Variants in SMIM13 observed in about 807,000 individuals in gnomAD.
SMIM13 encodes small integral membrane protein 13.
In SMIM13, 3 loss-of-function variants were observed where a neutral mutation model predicts 5.9. That is an observed-to-expected ratio of 0.51 (90% confidence interval 0.23 to 1.31). The LOEUF (loss-of-function observed/expected upper bound fraction) is 1.31. Among genes scored for constraint, SMIM13 ranks in the 40% most tolerant of loss-of-function variants. SMIM13 has a pLI of 0.18. For missense variants in SMIM13, 85 were observed against 109.9 expected, an observed-to-expected ratio of 0.77 and a Z score of 1.01; for synonymous variants, 55 against 46.0, an observed-to-expected ratio of 1.19 and a Z score of -0.79.
At chr6:11,122,963 C>T (rs955245197) in intron 1 of SMIM13, among the ~76,000 whole-genome samples, 1 of 152,102 alleles carries the variant, frequency 6.6e-6, no homozygotes, top group African/African-American at 2.4e-5. Flanking sequence ...AATCCCAGCA[C>T]CTTGAGAGGC....
intron 1 of SMIM13, chr6:11,105,014 A>G (rs1561753020): frequency 1.2e-6 from 2 of 1,614,188 alleles, no homozygotes; most frequent in Admixed American, 1.7e-5. Context: ...TATCAGGGAA[A>G]TCTTGCTTTA....
At chr6:11,133,401 A>C (rs963032205) in intron 1 of SMIM13, among the ~76,000 whole-genome samples, 2 of 152,138 alleles carry the variant, frequency 1.3e-5, no homozygotes, top group East Asian at 1.9e-4. Context: ...AAGAAAAAAA[A>C]CAAGTAAAAT....
At chr6:11,133,233 C>T (rs921480249) in intron 1 of SMIM13, among the ~76,000 whole-genome samples, 6 of 152,172 alleles carry the variant, frequency 3.9e-5, no homozygotes, top group African/African-American at 1.4e-4. Flanking sequence ...AAGTTGGGTG[C>T]TTTACTCAAA....
intron 1 of SMIM13, chr6:11,104,797 A>G: frequency 1.2e-6 from 2 of 1,614,204 alleles, no homozygotes; most frequent in Non-Finnish European, 1.7e-6. Context: ...GGTTTGGGGA[A>G]TCTTGGTTGA....
chr6:11,105,556 C>T, intron 1 of SMIM13: 1 of 456,162 alleles, frequency 2.2e-6, no homozygotes, highest in Non-Finnish European at 4.1e-6. Flanking sequence ...GGTTCTGGCT[C>T]TGGAGTTTAA....
At chr6:11,131,984 G>T (rs192178253) in intron 1 of SMIM13, among the ~76,000 whole-genome samples, 1 of 152,036 alleles carries the variant, frequency 6.6e-6, no homozygotes, top group African/African-American at 2.4e-5. Flanking sequence ...GTGAAAAGCC[G>T]GCCCACAGAA....
chr6:11,112,042 G>C (rs1196319926), intron 1 of SMIM13, among the ~76,000 whole-genome samples: 1 of 152,116 alleles, frequency 6.6e-6, no homozygotes, highest in Admixed American at 6.5e-5. Flanking sequence ...ACCAGCTTCC[G>C]GTGTTTCCTG....
rs899766743 is a variant in SMIM13, at chr6:11,138,273, G to A, written c.*3671G>A. Reference sequence around the variant, plus strand: ...TTCTGTTGTGAAGTCTAGAACTAAAGCACCTTGTATTGTCTGCTTCTAAAG... The same window carrying A: ...TTCTGTTGTGAAGTCTAGAACTAAAACACCTTGTATTGTCTGCTTCTAAAG... On this transcript the variant is annotated 3_prime_UTR_variant, in exon 2 of 2. Coordinates refer to ENST00000416247, the MANE Select transcript of SMIM13 (RefSeq NM_001135575.2). The A allele has an allele frequency of 3.3e-5, 5 of 152,178 alleles. No homozygotes were observed. The highest frequency in any genetic ancestry group is 1.2e-4 in the African/African-American group (5 of 41,454). 9.4% of individuals were successfully genotyped at this position (152,178 alleles called of 1,614,324 possible).
At chr6:11,122,862 A>T (rs1433348071) in intron 1 of SMIM13, among the ~76,000 whole-genome samples, 1 of 152,044 alleles carries the variant, frequency 6.6e-6, no homozygotes, top group Non-Finnish European at 1.5e-5. Context: ...AGATATCATT[A>T]CTGGGGATCT....
intron 1 of SMIM13, among the ~76,000 whole-genome samples, chr6:11,113,081 T>G (rs1758191278): frequency 6.6e-6 from 1 of 152,272 alleles, no homozygotes; most frequent in South Asian, 2.1e-4. Context: ...TCCACCCGCC[T>G]GGGCCTCCCA....
At position 11,098,836 on chromosome 6, in the gene SMIM13, CT is replaced by C. The variant is rs996058036; in HGVS notation, c.76+4454del. On this transcript the variant is annotated intron_variant, in intron 1 of 1. Coordinates refer to ENST00000416247, the MANE Select transcript of SMIM13 (RefSeq NM_001135575.2). ...GCTTCTTCTCATTCCCTAGAATTTT[CT>C]TTTTTTGACCACAACCTACAATAGA... 5.9e-5 allele frequency among the ~76,000 whole-genome samples: 9 copies of C among 152,166 alleles called. 1 individual carries two copies. Among genetic ancestry groups the C allele is most frequent in the Admixed American group, 2.0e-4 (3 of 15,282 alleles).
At chr6:11,104,991 G>A in intron 1 of SMIM13, 1 of 1,614,194 alleles carries the variant, frequency 6.2e-7, no homozygotes, top group Non-Finnish European at 8.5e-7. Context: ...GAAAATGGGA[G>A]GTTTCTGGCG....
chr6:11,103,782 A>G (rs1306750797), intron 1 of SMIM13: 1 of 1,551,690 alleles, frequency 6.4e-7, no homozygotes, highest in East Asian at 2.4e-5. Context: ...AGAGGAGACA[A>G]ATTGGGTTAT....
intron 1 of SMIM13, among the ~76,000 whole-genome samples, chr6:11,122,441 C>T (rs956779696): frequency 1.3e-5 from 2 of 152,216 alleles, no homozygotes; most frequent in Non-Finnish European, 2.9e-5. Context: ...TTGAGTGGTT[C>T]CTCTGCCCTA....
At chr6:11,107,623 A>G (rs187770695) in intron 1 of SMIM13, among the ~76,000 whole-genome samples, 29 of 152,346 alleles carry the variant, frequency 1.9e-4, no homozygotes, top group Non-Finnish European at 3.5e-4. Flanking sequence ...TACAAAAGAA[A>G]GAGTCTTTAA....
At chr6:11,116,422 T>C (rs775730589) in intron 1 of SMIM13, among the ~76,000 whole-genome samples, 1 of 152,252 alleles carries the variant, frequency 6.6e-6, no homozygotes, top group Non-Finnish European at 1.5e-5. Context: ...TTGGGATTAC[T>C]AGAGTGTGTC....
At chr6:11,118,410 A>G (rs570533605) in intron 1 of SMIM13, among the ~76,000 whole-genome samples, 8 of 152,282 alleles carry the variant, frequency 5.3e-5, no homozygotes, top group African/African-American at 1.9e-4. Context: ...AAATCTTGAT[A>G]GTTTTGGGAG....
chr6:11,125,590 G>A (rs572618122), intron 1 of SMIM13, among the ~76,000 whole-genome samples: 4 of 152,254 alleles, frequency 2.6e-5, no homozygotes, highest in South Asian at 4.1e-4. Flanking sequence ...GTGACAGAGC[G>A]AGACCCCGTC....
At chr6:11,115,001 T>C (rs796687316) in intron 1 of SMIM13, among the ~76,000 whole-genome samples, 1 of 152,190 alleles carries the variant, frequency 6.6e-6, no homozygotes, top group African/African-American at 2.4e-5. Context: ...TCATGACATG[T>C]TATCCATTTT....
Sources: allele counts gnomAD v4.1 joint callset (sites outside exome capture counted in the v4.1 genomes callset), GRCh38; gene constraint gnomAD v4.1.1; transcripts MANE v1.5; gene names NCBI Gene and HGNC (gene_info 2026-07-23, HGNC 2026-07-21).